Variants in RPL27 observed in about 807,000 individuals in gnomAD.
The protein encoded by RPL27 is ribosomal protein L27.
For synonymous variants in RPL27, 77 were observed against 61.0 expected, an observed-to-expected ratio of 1.26 and a Z score of -1.22; for missense variants, 131 against 174.3, an observed-to-expected ratio of 0.75 and a Z score of 1.40.
chr17:42,999,554 C>T (rs1027103639), intron 2 of RPL27: 1 of 179,262 alleles, frequency 5.6e-6, no homozygotes, highest in Non-Finnish European at 1.2e-5. Context: ...ATTCCCCTCT[C>T]CCATCTCCTG....
chr17:43,002,753 G>A lies in RPL27; in HGVS notation c.332G>A (p.Arg111Gln), dbSNP rs368506285. 2.9e-5 allele frequency: 47 copies of A among 1,613,522 alleles called. No individual in the cohort carries two copies. The highest frequency in any genetic ancestry group is 1.6e-4 in the Middle Eastern group (1 of 6,080). ...GATCCTGCTCTTAAACGCAAGGCCCGACGGGAGGCCAAGGTCAAGTTTGAA... is the reference window on the plus strand; with the variant it reads ...GATCCTGCTCTTAAACGCAAGGCCCAACGGGAGGCCAAGGTCAAGTTTGAA... Reference protein sequence around the residue: ...FRDPALKRKARREAKVKFEER... With the variant: ...FRDPALKRKAQREAKVKFEER... The change falls in exon 4 of 5, where the codon CGA becomes CAA. Residue 111 changes from arginine (R) to glutamine (Q), a missense_variant. By Grantham distance (43) the Arg-to-Gln change is conservative. Coordinates refer to ENST00000253788, the MANE Select transcript of RPL27 (RefSeq NM_000988.5).
In RPL27 at chr17:43,002,706, C is replaced by A; in HGVS notation, c.285C>A (p.Val95=). ...TGGATATCCCCTTGGACAAAACTGTCGTCAATAAGGATGTCTTCAGAGATC... is the reference window on the plus strand; with the variant it reads ...TGGATATCCCCTTGGACAAAACTGTAGTCAATAAGGATGTCTTCAGAGATC... ...YSVDIPLDKT[V]VNKDVFRDPA... The change falls in exon 4 of 5, where the codon GTC becomes GTA. Residue 95 remains valine, a synonymous_variant. Coordinates refer to ENST00000253788, the MANE Select transcript of RPL27 (RefSeq NM_000988.5). 1.2e-6 allele frequency: 2 copies of A among 1,613,364 alleles called. No individual in the cohort carries two copies. The highest frequency in any genetic ancestry group is 1.1e-5 in the South Asian group (1 of 91,048).
In RPL27 at chr17:43,002,673, G is replaced by A; in HGVS notation, c.252G>A (p.Arg84=). 1.3e-6 allele frequency: 2 copies of A among 1,593,966 alleles called. No homozygotes were observed. The highest frequency in any genetic ancestry group is 1.7e-6 in the Non-Finnish European group (2 of 1,161,808). ...CCTGCCTCTCCACCTTTGTCCCCAG[G>A]TACTCTGTGGATATCCCCTTGGACA... The part of the protein sequence containing the change: ...VYNYNHLMPT[R]YSVDIPLDKT... Residue 84 remains arginine, a splice_region_variant and synonymous_variant, in exon 4 of 5, where the codon AGG becomes AGA. Coordinates refer to ENST00000253788, the MANE Select transcript of RPL27 (RefSeq NM_000988.5).
intron 3 of RPL27, among the ~76,000 whole-genome samples, chr17:43,000,464 G>A (rs1231938715): frequency 7.0e-6 from 1 of 142,110 alleles, no homozygotes; most frequent in East Asian, 2.2e-4. Context: ...CACTGTCTTA[G>A]TACAGTGTTT....
At chr17:42,998,559 T>C (rs1192575171) in intron 1 of RPL27, 88 bp downstream of exon 1, 5 of 486,292 alleles carry the variant, frequency 1.0e-5, no homozygotes, top group Non-Finnish European at 7.3e-6. Flanking sequence ...GTGCATTCCT[T>C]CCCTAGGTCT....
chr17:43,002,718 T>C lies in RPL27; in HGVS notation c.297T>C (p.Asp99=), dbSNP rs1360778930. 2 of 1,613,916 alleles carry C rather than the reference T, an allele frequency of 1.2e-6. No individual in the cohort carries two copies. Among genetic ancestry groups the C allele is most frequent in the Non-Finnish European group, 1.7e-6 (2 of 1,179,840 alleles). The change falls in exon 4 of 5, where the codon GAT becomes GAC. Residue 99 remains aspartate (D), a synonymous_variant. Coordinates refer to ENST00000253788, the MANE Select transcript of RPL27 (RefSeq NM_000988.5). ...IPLDKTVVNK[D]VFRDPALKRK... Reference sequence around the variant, plus strand: ...TGGACAAAACTGTCGTCAATAAGGATGTCTTCAGAGATCCTGCTCTTAAAC... The same window carrying C: ...TGGACAAAACTGTCGTCAATAAGGACGTCTTCAGAGATCCTGCTCTTAAAC...
In RPL27 at chr17:42,999,103, G is replaced by A. The variant is rs564503952; in HGVS notation, c.81+272G>A. On this transcript the variant is annotated intron_variant, in intron 2 of 4. Transcript: ENST00000253788. Reference sequence around the variant, plus strand: ...TGCACGCTTGCTATGTGCTCCCACTGCCTTTCAGGTATTGTCATGTGCAGT... The same window carrying A: ...TGCACGCTTGCTATGTGCTCCCACTACCTTTCAGGTATTGTCATGTGCAGT... The A allele has an allele frequency of 3.8e-4, 164 of 426,798 alleles. 2 individuals carry two copies. The highest frequency in any genetic ancestry group is 3.1e-3 in the South Asian group (123 of 39,740). The allele number at this position is 426,798 out of a possible 1,614,324, so 26.4% of individuals were successfully genotyped here.
intron 2 of RPL27, chr17:42,999,534 G>A (rs1172034733): frequency 5.8e-6 from 1 of 171,760 alleles, no homozygotes; most frequent in Non-Finnish European, 1.3e-5. Context: ...GGACACTGGA[G>A]TACCCCTGGA....
At chr17:43,000,868 A>C (rs2050354042) in intron 3 of RPL27, among the ~76,000 whole-genome samples, 1 of 147,866 alleles carries the variant, frequency 6.8e-6, no homozygotes, top group Non-Finnish European at 1.5e-5. Flanking sequence ...TAGCCTGACC[A>C]ACATGGTGAA....
At chr17:43,001,889 A>T (rs540383426) in intron 3 of RPL27, among the ~76,000 whole-genome samples, 1 of 151,686 alleles carries the variant, frequency 6.6e-6, no homozygotes, top group Admixed American at 6.6e-5. Flanking sequence ...CAGGAGATCG[A>T]GACCATCCTG....
At chr17:43,000,971 C>A (rs1003128072) in intron 3 of RPL27, among the ~76,000 whole-genome samples, 1 of 151,548 alleles carries the variant, frequency 6.6e-6, no homozygotes, top group East Asian at 2.0e-4. Flanking sequence ...ATCGCTTGAA[C>A]CCGGGAGGTG....
Position 42,999,915 on chromosome 17 carries a change from T to G in RPL27, c.82-18T>G. 6.2e-7 allele frequency: 1 copy of G among 1,604,566 alleles called. No homozygotes were observed. The highest frequency in any genetic ancestry group is 1.1e-5 in the South Asian group (1 of 90,780). ...ATAGGCCCTCAGTGAATAACAAATG[T>G]AATTCTTACTCATTTAGAACATTGA... On this transcript the variant is annotated intron_variant, in intron 2 of 4. Transcript: ENST00000253788.
At position 42,999,726 on chromosome 17, in the gene RPL27, G is replaced by A. The variant is rs691711; in HGVS notation, c.82-207G>A. ...GCTACTTTTAAATCTCTTACCTCTA[G>A]TAAGCCGTTCCAGATGCTTCCTGAT... On this transcript the variant is annotated intron_variant, in intron 2 of 4. Coordinates refer to ENST00000253788, the MANE Select transcript of RPL27 (RefSeq NM_000988.5). 0.98 allele frequency: 536,821 copies of A among 549,774 alleles called. 263,230 individuals are homozygous for A. The highest frequency in any genetic ancestry group is 1 in the East Asian group (34,074 of 34,074). The allele number at this position is 549,774 out of a possible 1,614,324, so 34.1% of individuals were successfully genotyped here. A position where few individuals can be genotyped will look rare whatever the true frequency, so the allele number is the denominator to read the frequency against.
chr17:43,002,329 C>A (rs1293117634), intron 3 of RPL27, among the ~76,000 whole-genome samples: 1 of 151,546 alleles, frequency 6.6e-6, no homozygotes, highest in Non-Finnish European at 1.5e-5. Context: ...CACTGTGAAA[C>A]CCCGTCTCTA....
chr17:43,001,776 A>T (rs1316920106), intron 3 of RPL27, among the ~76,000 whole-genome samples: 1 of 151,696 alleles, frequency 6.6e-6, no homozygotes, highest in Admixed American at 6.6e-5. Context: ...AAAGTTAGCT[A>T]ACTGTCATGA....
At chr17:43,001,144 C>A (rs2050357410) in intron 3 of RPL27, among the ~76,000 whole-genome samples, 1 of 147,844 alleles carries the variant, frequency 6.8e-6, no homozygotes, top group Admixed American at 6.7e-5. Context: ...GAGATCGAGA[C>A]CGCACTGGCT....
Position 43,002,948 on chromosome 17 carries a change from TAAAG to T in RPL27, c.*32_*35del, listed in dbSNP as rs761897795. 15 of 1,570,612 alleles carry T rather than the reference TAAAG, an allele frequency of 9.6e-6. No individual in the cohort carries two copies. The South Asian group carries it at 1.7e-4, about 17-fold the overall frequency. Reference sequence around the variant, plus strand: ...GCTTTGTTTTGATCATTAAAAATTATAAAGAAAAAAAGCCTGTGTCTGCATGCTG... The same window carrying T: ...GCTTTGTTTTGATCATTAAAAATTATAAAAAAAGCCTGTGTCTGCATGCTG... On this transcript the variant is annotated 3_prime_UTR_variant, in exon 5 of 5. Transcript: ENST00000253788.
Position 42,998,741 on chromosome 17 carries a change from C to T in RPL27, c.-2-8C>T, listed in dbSNP as rs1034358575. On this transcript the variant is annotated splice_polypyrimidine_tract_variant and splice_region_variant and intron_variant, in intron 1 of 4. Coordinates refer to ENST00000253788, the MANE Select transcript of RPL27 (RefSeq NM_000988.5). ...TTTTAAGTGGCCCTTTCTCCTTGCT[C>T]TCTGCAGAAATGGGCAAGTTCATGA... The T allele has an allele frequency of 6.2e-6, 10 of 1,611,346 alleles. No individual in the cohort carries two copies. The highest frequency in any genetic ancestry group is 4.0e-5 in the African/African-American group (3 of 74,852).
chr17:42,999,036 C>G, intron 2 of RPL27: 1 of 557,802 alleles, frequency 1.8e-6, no homozygotes, highest in East Asian at 3.2e-5. Flanking sequence ...ATAAAGCCTT[C>G]TCCACCAGAG....
Sources: gnomAD v4.1 joint callset for allele counts (sites outside exome capture counted in the v4.1 genomes callset) on GRCh38, gnomAD v4.1.1 for gene constraint, MANE v1.5 for transcripts, NCBI Gene and HGNC (gene_info 2026-07-23, HGNC 2026-07-21) for gene names.